Variants in KIF26B observed in about 807,000 individuals in gnomAD.
KIF26B encodes the protein kinesin family member 26B.
In KIF26B, 63 loss-of-function variants were observed where a neutral mutation model predicts 151.2. The ratio of observed to expected loss-of-function variants is 0.42; its 90% CI spans 0.34 to 0.51. The LOEUF is 0.51. Among genes scored for constraint, KIF26B ranks in the 20% least tolerant of loss-of-function variants. The probability of loss-of-function intolerance (pLI) is 0.07; values close to 1 mark genes in which losing one functional copy is unlikely to be tolerated. For synonymous variants in KIF26B, 1,357 were observed against 1,262.1 expected (o/e 1.08, Z -1.59); for missense variants, 2,813 against 2,913.6 (o/e 0.97, Z 0.79).
chr1:245,305,936 CAAA>C (rs55865379), intron 2 of KIF26B, among the ~76,000 whole-genome samples: 38 of 86,686 alleles, frequency 4.4e-4, no homozygotes, highest in South Asian at 9.1e-4. Context: ...GACGACTCCT[CAAA>C]AAAAAAAAAA....
intron 2 of KIF26B, among the ~76,000 whole-genome samples, chr1:245,280,098 C>G (rs1028983364): frequency 2.6e-5 from 4 of 152,070 alleles, no homozygotes; most frequent in Non-Finnish European, 4.4e-5. Flanking sequence ...CAGGAGGAGC[C>G]TAGCTGCTGC....
intron 2 of KIF26B, among the ~76,000 whole-genome samples, chr1:245,253,514 T>C (rs1670480228): frequency 6.6e-6 from 1 of 152,118 alleles, no homozygotes; most frequent in Non-Finnish European, 1.5e-5. Context: ...ACTCCCTTCA[T>C]TTAGTTTGGT....
Position 245,602,876 on chromosome 1 carries a change from C to T in KIF26B, c.1557+93C>T, listed in dbSNP as rs1165787008. 5 of 1,134,296 alleles carry T rather than the reference C, an allele frequency of 4.4e-6. No homozygotes were observed. In the African/African-American group the frequency reaches 7.6e-5, roughly 17 times the overall value. The allele number at this position is 1,134,296 out of a possible 1,614,324, so 70.3% of individuals were successfully genotyped here. On this transcript the variant is annotated intron_variant, in intron 6 of 14. Transcript: ENST00000407071. This position sits in a 1 kb window ranked among gnomAD's most constrained non-coding sequence, Gnocchi z 4.5. The stretch of plus-strand genomic sequence containing the variant: ...GGCCCTTGAGCTGGGAGGGTGTCTT[C>T]TGGAGCATTCTGATGGACCAGTTCC...
chr1:245,472,674 C>T (rs543518346), intron 4 of KIF26B, among the ~76,000 whole-genome samples: 3 of 152,142 alleles, frequency 2.0e-5, no homozygotes, highest in Admixed American at 1.3e-4. Flanking sequence ...AAGTGGCTGC[C>T]GTGGTTGGCC....
chr1:245,508,442 G>A (rs1054215343), intron 4 of KIF26B, among the ~76,000 whole-genome samples: 6 of 151,972 alleles, frequency 3.9e-5, no homozygotes, highest in Admixed American at 2.0e-4. Context: ...GGGTTTCACC[G>A]TGTTAGCCAG....
chr1:245,339,865 T>C (rs907013), intron 2 of KIF26B, among the ~76,000 whole-genome samples: 111,275 of 152,126 alleles, frequency 0.73, 43,008 homozygotes, highest in Non-Finnish European at 0.86. Context: ...CCTAGGTCCC[T>C]TGATTTTATT....
chr1:245,406,935 G>A (rs544850538), intron 3 of KIF26B, among the ~76,000 whole-genome samples: 14 of 151,908 alleles, frequency 9.2e-5, no homozygotes, highest in African/African-American at 3.1e-4. Flanking sequence ...CTACAGGTGC[G>A]CACCACCACG....
intron 2 of KIF26B, among the ~76,000 whole-genome samples, chr1:245,260,922 T>G (rs1670623564): frequency 6.6e-6 from 1 of 152,236 alleles, no homozygotes; most frequent in South Asian, 2.1e-4. Flanking sequence ...TGTAGATGCT[T>G]ATTGATGACT....
intron 5 of KIF26B, among the ~76,000 whole-genome samples, chr1:245,548,683 G>A (rs1313250841): frequency 6.6e-6 from 1 of 151,528 alleles, no homozygotes; most frequent in East Asian, 1.9e-4. Context: ...ATGATTTGTT[G>A]TGGAAAACTG....
chr1:245,345,429 C>T (rs1376547966), intron 2 of KIF26B, among the ~76,000 whole-genome samples: 1 of 152,202 alleles, frequency 6.6e-6, no homozygotes, highest in East Asian at 1.9e-4. Context: ...TCCTCGTCCC[C>T]CTCCGCACCT....
intron 4 of KIF26B, among the ~76,000 whole-genome samples, chr1:245,430,603 G>T (rs1252212277): frequency 6.6e-6 from 1 of 152,112 alleles, no homozygotes; most frequent in Non-Finnish European, 1.5e-5. Flanking sequence ...GGAGGTTGAG[G>T]CTGCAGTGAG....
chr1:245,551,158 A>G (rs982881420), intron 5 of KIF26B, among the ~76,000 whole-genome samples: 1 of 152,070 alleles, frequency 6.6e-6, no homozygotes, highest in Admixed American at 6.6e-5. Context: ...GGATCCTCCC[A>G]CCTCAGCCTC....
rs578040150 is a variant in KIF26B at position 245,655,485 on chromosome 1, T to C, written c.2258+9205T>C. Among the ~76,000 whole-genome samples, 4 of 152,364 alleles carry C rather than the reference T, an allele frequency of 2.6e-5. No individual in the cohort carries two copies. The South Asian group carries it at 8.3e-4, about 32-fold the overall frequency. ...CATGCATTTATTCAATGAGAGTTTG[T>C]GTGCCTAACACACAGCATGGCTGCC... is the stretch of plus-strand genomic sequence containing the variant. On this transcript the variant is annotated intron_variant, in intron 10 of 14. Coordinates refer to ENST00000407071, the MANE Select transcript of KIF26B (RefSeq NM_018012.4).
At chr1:245,640,160 T>TAC (rs1553299337) in intron 9 of KIF26B, among the ~76,000 whole-genome samples, 4 of 54,854 alleles carry the variant, frequency 7.3e-5, no homozygotes, top group African/African-American at 1.5e-4. Flanking sequence ...TATATATATA[T>TAC]ACCCTGCTAT....
In KIF26B at chr1:245,304,116, C is replaced by A. The variant is rs546325367; in HGVS notation, c.466-62718C>A. Among the ~76,000 whole-genome samples, 9 of 152,198 alleles carry A rather than the reference C, an allele frequency of 5.9e-5. No homozygotes were observed. The East Asian group carries it at 1.5e-3, about 26-fold the overall frequency. On this transcript the variant is annotated intron_variant, in intron 2 of 14. Coordinates refer to ENST00000407071, the MANE Select transcript of KIF26B (RefSeq NM_018012.4). ...GCAGGAGTATAAGCCAGCCACAGAC[C>A]CAGGGGGCACATCTTACACTGTCTT... is the stretch of plus-strand genomic sequence containing the variant.
intron 4 of KIF26B, among the ~76,000 whole-genome samples, chr1:245,454,205 T>C (rs1659461246): frequency 6.6e-6 from 1 of 152,236 alleles, no homozygotes; most frequent in Non-Finnish European, 1.5e-5. Flanking sequence ...AGAGTCTCCT[T>C]ATCTTTCCCT....
At chr1:245,652,104 G>C (rs1485598228) in intron 10 of KIF26B, among the ~76,000 whole-genome samples, 1 of 40,886 alleles carries the variant, frequency 2.4e-5, no homozygotes, top group African/African-American at 7.4e-5. Flanking sequence ...GTAAGAATCT[G>C]TGTGTGTGTG....
chr1:245,415,931 A>G (rs1202170155), intron 3 of KIF26B, among the ~76,000 whole-genome samples: 2 of 151,992 alleles, frequency 1.3e-5, no homozygotes, highest in African/African-American at 4.8e-5. Flanking sequence ...CTATCCTTTG[A>G]CAGTGATGAG....
intron 2 of KIF26B, among the ~76,000 whole-genome samples, chr1:245,198,726 C>CAA (rs543858366): frequency 4.1e-5 from 4 of 97,816 alleles, no homozygotes; most frequent in Non-Finnish European, 4.4e-5. Flanking sequence ...GACTCCGTCT[C>CAA]AAAAAAAAAA....
Sources: allele counts gnomAD v4.1 joint callset (sites outside exome capture counted in the v4.1 genomes callset), GRCh38; gene constraint gnomAD v4.1.1; non-coding constraint Gnocchi (gnomAD v3.1); transcripts MANE v1.5; gene names NCBI Gene and HGNC (gene_info 2026-07-23, HGNC 2026-07-21).